Variants in EPG5 observed in about 807,000 individuals in gnomAD.
The protein encoded by EPG5 is ectopic P-granules 5 autophagy tethering factor.
EPG5 carries 159 observed loss-of-function variants against 302.7 expected under a neutral mutation model. That is an observed-to-expected ratio of 0.53 (90% CI 0.46 to 0.60). The LOEUF (loss-of-function observed/expected upper bound fraction) is 0.60, where lower values mean the gene tolerates loss of function less well. Ranked by LOEUF, EPG5 falls within the 20% of genes least tolerant of loss-of-function variation. The pLI is 0.00. For missense variants in EPG5, 2,896 were observed against 3,092.4 expected (o/e 0.94, Z 1.51); for synonymous variants, 1,158 against 1,136.8 (o/e 1.02, Z -0.37).
chr18:45,866,482 G>A (rs1159515302), intron 38 of EPG5, among the ~76,000 whole-genome samples: 1 of 152,122 alleles, frequency 6.6e-6, no homozygotes. Context: ...TCAAGCCTAA[G>A]TTCATATTAC....
chr18:45,922,499 GTT>G lies in EPG5; in HGVS notation c.2938_2939del (p.Asn980ArgfsTer19), dbSNP rs764615803. 3.1e-6 allele frequency: 5 copies of G among 1,614,166 alleles called. No homozygotes were observed. The South Asian group carries it at 5.5e-5, about 18-fold the overall frequency. On this transcript the variant is annotated frameshift_variant, in exon 16 of 44. Transcript: ENST00000282041. LOFTEE classifies it high-confidence loss of function. The stretch of plus-strand genomic sequence containing the variant: ...GACAATTCGGCTGTATTCCATAATC[GTT>G]TTTGTGCAGTTTTAGCCTCAAGATT... ...NLILRLKLHK[N>X]DYGIQPNCPA...
At position 45,915,921 on chromosome 18, in the gene EPG5, A is replaced by G. The variant is rs1163440651; in HGVS notation, c.3582+88T>C. On this transcript the variant is annotated intron_variant, in intron 19 of 43. Transcript: ENST00000282041. ...AAGAAGGTAATGGCCACAGAGTAGA[A>G]CTGAAAACTGTACTTGGGGGAATCT... 3 of 1,196,778 alleles carry G rather than the reference A, an allele frequency of 2.5e-6. No homozygotes were observed. The African/African-American group carries it at 4.6e-5, about 18-fold the overall frequency. 74.1% of individuals were successfully genotyped at this position (1,196,778 alleles called of 1,614,324 possible).
chr18:45,909,651 T>C (rs774396936), intron 23 of EPG5, among the ~76,000 whole-genome samples: 2 of 152,192 alleles, frequency 1.3e-5, no homozygotes, highest in African/African-American at 4.8e-5. Flanking sequence ...CTTAACCTTT[T>C]AGAGGAGGCA....
chr18:45,804,647 T>A, the EPG5 span, among the ~76,000 whole-genome samples: 1 of 152,112 alleles, frequency 6.6e-6, no homozygotes, highest in East Asian at 1.9e-4. Context: ...CTATCAAATA[T>A]GAAGCAGAAT....
At chr18:45,964,868 G>GAA (rs1174015402) in intron 1 of EPG5, among the ~76,000 whole-genome samples, 1 of 152,174 alleles carries the variant, frequency 6.6e-6, no homozygotes. Flanking sequence ...CAGGAGAATT[G>GAA]CTTGAAGCCA....
chr18:45,825,809 T>A, the EPG5 span: 1 of 1,613,598 alleles, frequency 6.2e-7, no homozygotes, highest in Non-Finnish European at 8.5e-7. Flanking sequence ...CTCTGGCCCA[T>A]GCTCGGGACA....
rs1461759787 is a variant in EPG5 at position 45,923,365 on chromosome 18, G to C, written c.2741C>G (p.Ala914Gly). 6.2e-7 allele frequency: 1 copy of C among 1,613,608 alleles called. No individual in the cohort carries two copies. The highest frequency in any genetic ancestry group is 8.5e-7 in the Non-Finnish European group (1 of 1,179,874). The change falls in exon 15 of 44, where the codon GCA (alanine) becomes GGA (glycine). Residue 914 changes from alanine to glycine, a missense_variant. By Grantham distance (60) the Ala-to-Gly change is moderately conservative (BLOSUM62 0). This residue lies in a region of EPG5 where 1,390 missense variants were observed against 1,430.0 expected (regional missense o/e 0.97). Coordinates refer to ENST00000282041, the MANE Select transcript of EPG5 (RefSeq NM_020964.3). ...CATTAAAGCCACTTCAGCATGGACTGCTTGATCCAGATGAAGGGTAGCCTT... is the reference window on the plus strand; with the variant it reads ...CATTAAAGCCACTTCAGCATGGACTCCTTGATCCAGATGAAGGGTAGCCTT... ...AKQATLHLDQ[A>G]VHAEVALMVL...
chr18:45,842,332 C>A, the EPG5 span: 2 of 767,390 alleles, frequency 2.6e-6, no homozygotes, highest in Non-Finnish European at 4.3e-6. Context: ...GGTCAAGACC[C>A]TGCTCAAGGA....
chr18:45,900,404 C>CA (rs375366452), intron 26 of EPG5, among the ~76,000 whole-genome samples: 75,874 of 111,692 alleles, frequency 0.68, 25,225 homozygotes, highest in East Asian at 0.86. Flanking sequence ...GACTCTGTCT[C>CA]AAAAAAAAAA....
In EPG5 at chr18:45,904,027, G is replaced by A. The variant is rs1319858041; in HGVS notation, c.4420C>T (p.His1474Tyr). The stretch of plus-strand genomic sequence containing the variant: ...ACGGACAAACTGCAGGGTGTGGAAT[G>A]GGACTCAAGCTTGGCCTGTGTCCAC... The part of the protein sequence containing the change: ...GLWTQAKLES[H>Y]STPCSLSVQL... The change falls in exon 25 of 44, where the codon CAT becomes TAT. Residue 1474 changes from histidine (H) to tyrosine (Y), a missense_variant. Transcript: ENST00000282041. The A allele has an allele frequency of 6.2e-7, 1 of 1,613,264 alleles. No homozygotes were observed. The highest frequency in any genetic ancestry group is 2.2e-5 in the East Asian group (1 of 44,806).
the EPG5 span, among the ~76,000 whole-genome samples, chr18:45,833,264 G>A: frequency 5.6e-4 from 85 of 152,188 alleles, no homozygotes; most frequent in African/African-American, 2.0e-3. Context: ...TCTCTAAGAG[G>A]GAGCTAATGA....
At position 45,954,413 on chromosome 18, in the gene EPG5, TC is replaced by T; in HGVS notation, c.988del (p.Glu330ArgfsTer14). On this transcript the variant is annotated frameshift_variant, in exon 2 of 44. Transcript: ENST00000282041. LOFTEE classifies it high-confidence loss of function. ...AAATACCTGTACAGACATTTGTTCC[TC>T]CTTAAACTGCCACAGCCGACTTTTA... ...NAKSRLWQFK[E>X]EQMSVQGICA... The T allele has an allele frequency of 6.2e-7, 1 of 1,609,896 alleles. No homozygotes were observed. The highest frequency in any genetic ancestry group is 8.5e-7 in the Non-Finnish European group (1 of 1,178,186).
chr18:45,941,792 A>G (rs1490003543), intron 9 of EPG5, among the ~76,000 whole-genome samples: 1 of 152,236 alleles, frequency 6.6e-6, no homozygotes, highest in African/African-American at 2.4e-5. Flanking sequence ...CAGAAAAAGA[A>G]CGTCTGGATG....
chr18:45,886,412 G>T (rs1877573189), intron 29 of EPG5, among the ~76,000 whole-genome samples: 1 of 152,126 alleles, frequency 6.6e-6, no homozygotes, highest in Non-Finnish European at 1.5e-5. Context: ...ATGTCTAAAA[G>T]ATGTGTTTAA....
intron 1 of EPG5, among the ~76,000 whole-genome samples, chr18:45,958,661 A>C (rs375351408): frequency 6.6e-6 from 1 of 152,370 alleles, no homozygotes; most frequent in African/African-American, 2.4e-5. Flanking sequence ...AAATTAATGC[A>C]AAAAGGATCA....
the EPG5 span, among the ~76,000 whole-genome samples, chr18:45,833,379 C>A: frequency 1.3e-5 from 2 of 152,136 alleles, no homozygotes; most frequent in East Asian, 1.9e-4. Flanking sequence ...TACAGTGGTG[C>A]AGTCTCAGCT....
At chr18:45,857,166 G>A (rs986013276) in intron 42 of EPG5, among the ~76,000 whole-genome samples, 2 of 151,968 alleles carry the variant, frequency 1.3e-5, no homozygotes, top group Admixed American at 1.3e-4. Context: ...CTGGAGTGCA[G>A]TGGCATAATT....
chr18:45,884,908 G>T, intron 29 of EPG5, 97 bp from the exon 30 acceptor site: 1 of 813,750 alleles, frequency 1.2e-6, no homozygotes, highest in Middle Eastern at 2.9e-4. Context: ...AAGGTGAATA[G>T]AATTTTTTTC....
intron 35 of EPG5, among the ~76,000 whole-genome samples, chr18:45,873,824 A>G (rs1392462166): frequency 6.6e-6 from 1 of 152,222 alleles, no homozygotes; most frequent in Non-Finnish European, 1.5e-5. Flanking sequence ...GATAAATCAG[A>G]AATACAAATA....
Sources: allele counts gnomAD v4.1 joint callset (sites outside exome capture counted in the v4.1 genomes callset), GRCh38; gene constraint gnomAD v4.1.1; regional missense constraint gnomAD v4.1.1; transcripts MANE v1.5; gene names NCBI Gene and HGNC (gene_info 2026-07-23, HGNC 2026-07-21).